EYA4: variants seen among roughly 807,000 people sequenced by gnomAD.
EYA4 encodes EYA transcriptional coactivator and phosphatase 4.
In EYA4, 31 loss-of-function variants were observed where a neutral mutation model predicts 87.9. That is an observed-to-expected ratio of 0.35 (90% confidence interval 0.27 to 0.48). EYA4 has a LOEUF of 0.48. EYA4 is among the 20% of genes least tolerant of loss of function. The pLI is 0.99. For synonymous variants in EYA4, 263 were observed against 270.6 expected (o/e 0.97, Z 0.28); for missense variants, 678 against 761.4 (o/e 0.89, Z 1.29).
At chr6:133,392,010 A>G (rs768281468) in intron 3 of EYA4, among the ~76,000 whole-genome samples, 6 of 152,234 alleles carry the variant, frequency 3.9e-5, no homozygotes, top group Admixed American at 6.5e-5. Context: ...GCTTGATTTC[A>G]TAGGTCAGGC....
intron 3 of EYA4, among the ~76,000 whole-genome samples, chr6:133,432,883 A>C (rs1251380901): frequency 1.3e-5 from 2 of 152,140 alleles, no homozygotes; most frequent in African/African-American, 4.8e-5. Flanking sequence ...ATGCCTGTCT[A>C]TGGAAGAGTC....
intron 2 of EYA4, among the ~76,000 whole-genome samples, chr6:133,335,914 T>C (rs991875575): frequency 2.0e-5 from 3 of 152,156 alleles, no homozygotes; most frequent in African/African-American, 7.2e-5. Flanking sequence ...TTAGCAAAGG[T>C]GACTTTGGCT....
At chr6:133,383,511 C>T (rs1368659224) in intron 3 of EYA4, among the ~76,000 whole-genome samples, 12 of 38,588 alleles carry the variant, frequency 3.1e-4, no homozygotes, top group Non-Finnish European at 6.9e-4. Flanking sequence ...GAGCGAGACT[C>T]CATCTCAAAA....
At chr6:133,375,564 T>C (rs1785612619) in intron 2 of EYA4, among the ~76,000 whole-genome samples, 1 of 151,904 alleles carries the variant, frequency 6.6e-6, no homozygotes, top group Non-Finnish European at 1.5e-5. Flanking sequence ...AATTCATATG[T>C]ATTAAATGCT....
At chr6:133,296,200 A>C (rs1436963167) in intron 2 of EYA4, among the ~76,000 whole-genome samples, 2 of 152,152 alleles carry the variant, frequency 1.3e-5, no homozygotes, top group Non-Finnish European at 2.9e-5. Context: ...ATGGAACAGA[A>C]ATGAGGCTAG....
chr6:133,415,752 T>C (rs1458505351), intron 3 of EYA4, among the ~76,000 whole-genome samples: 2 of 152,210 alleles, frequency 1.3e-5, no homozygotes, highest in African/African-American at 2.4e-5. Context: ...TAGTACATTG[T>C]AGGTGCTCTG....
intron 11 of EYA4, among the ~76,000 whole-genome samples, chr6:133,477,379 A>G (rs1795836140): frequency 6.6e-6 from 1 of 151,978 alleles, no homozygotes; most frequent in Non-Finnish European, 1.5e-5. Flanking sequence ...CATGTTGAGC[A>G]TTTTTCATAC....
chr6:133,483,156 A>AT, intron 13 of EYA4, 41 bp downstream of exon 13: 1 of 1,500,328 alleles, frequency 6.7e-7, no homozygotes, highest in East Asian at 2.3e-5. Context: ...ATCTTGTTAA[A>AT]TTTTTTGTGT....
At chr6:133,293,462 A>G (rs754739793) in intron 2 of EYA4, among the ~76,000 whole-genome samples, 3 of 152,106 alleles carry the variant, frequency 2.0e-5, no homozygotes, top group Non-Finnish European at 2.9e-5. Context: ...GTTAAAAATC[A>G]TGAATGAGAA....
rs150119415 is a variant in EYA4 at position 133,343,121 on chromosome 6, C to T, written c.34-39271C>T. On this transcript the variant is annotated intron_variant, in intron 2 of 19. Coordinates refer to ENST00000355286, the MANE Select transcript of EYA4 (RefSeq NM_004100.5). ...TATATGGACAGTTCTAGAATGTATG[C>T]AGATATCCTGGGGAAATGGAGGGGT... Among the ~76,000 whole-genome samples the T allele has an allele frequency of 2.1e-3, 318 of 152,052 alleles. 1 individual carries two copies. The highest frequency in any genetic ancestry group is 7.1e-3 in the African/African-American group (294 of 41,502).
intron 2 of EYA4, among the ~76,000 whole-genome samples, chr6:133,343,352 A>G (rs1010557680): frequency 9.5e-4 from 144 of 152,018 alleles, no homozygotes; most frequent in Non-Finnish European, 6.0e-4. Context: ...TCACACTTTT[A>G]CTCTGTCCCC....
chr6:133,243,119 T>TGTGTGTGTGTGTGTG (rs1554206020), intron 1 of EYA4, among the ~76,000 whole-genome samples: 1 of 142,248 alleles, frequency 7.0e-6, no homozygotes, highest in Non-Finnish European at 1.5e-5. Flanking sequence ...TGTGTGTGTG[T>TGTGTGTGTGTGTGTG]TGTGTACTTG....
At chr6:133,304,666 G>A (rs548974543) in intron 2 of EYA4, among the ~76,000 whole-genome samples, 7 of 152,266 alleles carry the variant, frequency 4.6e-5, no homozygotes, top group East Asian at 1.9e-4. Context: ...AGTGGCCATT[G>A]TAGAGTTTTA....
chr6:133,405,797 G>A (rs1788651951), intron 3 of EYA4, among the ~76,000 whole-genome samples: 1 of 152,020 alleles, frequency 6.6e-6, no homozygotes, highest in African/African-American at 2.4e-5. Context: ...GGGGGAAGGG[G>A]GTGACAATTT....
rs571407351 is a variant in EYA4, at chr6:133,353,275, A to G, written c.34-29117A>G. Among the ~76,000 whole-genome samples, 29 of 152,228 alleles carry G rather than the reference A, an allele frequency of 1.9e-4. No individual in the cohort carries two copies. In the East Asian group the frequency reaches 5.6e-3, roughly 29 times the overall value. On this transcript the variant is annotated intron_variant, in intron 2 of 19. Transcript: ENST00000355286. ...CATCTTGCCAGAGAACAGCATTGGC[A>G]TGTGAGTATGCCTGTGCTTCCATGC...
intron 2 of EYA4, among the ~76,000 whole-genome samples, chr6:133,324,890 A>C (rs1224384379): frequency 7.0e-6 from 1 of 143,840 alleles, no homozygotes; most frequent in Non-Finnish European, 1.5e-5. Flanking sequence ...TTTATGGAGT[A>C]TATTTCAGAA....
At chr6:133,426,927 C>T (rs565746399) in intron 3 of EYA4, among the ~76,000 whole-genome samples, 9 of 152,254 alleles carry the variant, frequency 5.9e-5, no homozygotes, top group South Asian at 2.1e-4. Context: ...CTATTCAAAG[C>T]GAATAGAAGT....
At chr6:133,276,310 G>T (rs985309293) in intron 2 of EYA4, among the ~76,000 whole-genome samples, 6 of 152,266 alleles carry the variant, frequency 3.9e-5, no homozygotes, top group African/African-American at 1.4e-4. Flanking sequence ...ATTTTCTAGG[G>T]ACATAGAACT....
chr6:133,253,921 A>G (rs553200677), intron 1 of EYA4, among the ~76,000 whole-genome samples: 1 of 152,156 alleles, frequency 6.6e-6, no homozygotes, highest in Non-Finnish European at 1.5e-5. Flanking sequence ...ATGGAAATTA[A>G]GTGACTGCAC....
Sources: allele counts gnomAD v4.1 joint callset (sites outside exome capture counted in the v4.1 genomes callset), GRCh38; gene constraint gnomAD v4.1.1; transcripts MANE v1.5; gene names NCBI Gene and HGNC (gene_info 2026-07-23, HGNC 2026-07-21).